ERC1: variants seen among roughly 807,000 people sequenced by gnomAD.
ERC1 encodes the protein RAB6 interacting protein 2.
ERC1 carries 56 observed loss-of-function variants against 132.0 expected under a neutral mutation model. The observed-to-expected ratio is 0.42, with a 90% CI of 0.34 to 0.53. The LOEUF (loss-of-function observed/expected upper bound fraction) is 0.53, where lower values mean the gene tolerates loss of function less well. Ranked by LOEUF, ERC1 falls within the 20% of genes least tolerant of loss-of-function variation. ERC1 has a pLI of 0.03. For missense variants in ERC1, 1,202 were observed against 1,349.9 expected, an observed-to-expected ratio of 0.89 and a Z score of 1.72; for synonymous variants, 478 against 476.1, an observed-to-expected ratio of 1.00 and a Z score of -0.05.
intron 16 of ERC1, among the ~76,000 whole-genome samples, chr12:1,374,245 G>C (rs2087593947): frequency 6.6e-6 from 1 of 152,194 alleles, no homozygotes; most frequent in Non-Finnish European, 1.5e-5. Flanking sequence ...CCAGCAAATG[G>C]AGCTGCCACT....
intron 12 of ERC1, among the ~76,000 whole-genome samples, chr12:1,211,159 A>AT (rs1474700683): frequency 1.3e-5 from 2 of 152,044 alleles, no homozygotes; most frequent in South Asian, 2.1e-4. Context: ...ATATATATAT[A>AT]TATTTTGAGA....
At chr12:1,221,325 G>A (rs899619408) in intron 12 of ERC1, among the ~76,000 whole-genome samples, 1 of 152,106 alleles carries the variant, frequency 6.6e-6, no homozygotes, top group African/African-American at 2.4e-5. Context: ...CCTCATCTCA[G>A]ATCTATGGAG....
rs11064630 is a variant in ERC1 at position 991,389 on chromosome 12, C to T, written c.-157+67C>T. On this transcript the variant is annotated intron_variant, in intron 1 of 18. Transcript: ENST00000360905. ...GGGACCCAGAGCTTCCCCCCTGTCG[C>T]TAGTGCTGAGGCTTTCGCCTTTCCT... 67 of 155,476 alleles carry T rather than the reference C, an allele frequency of 4.3e-4. 2 individuals carry two copies. The East Asian group carries it at 0.011, about 25-fold the overall frequency. The allele number at this position is 155,476 out of a possible 1,614,324, so 9.6% of individuals were successfully genotyped here. A position where few individuals can be genotyped will look rare whatever the true frequency, so the allele number is the denominator to read the frequency against.
At chr12:1,399,300 C>T (rs957162829) in intron 16 of ERC1, among the ~76,000 whole-genome samples, 7 of 152,108 alleles carry the variant, frequency 4.6e-5, no homozygotes, top group African/African-American at 1.7e-4. Context: ...TACATGGCTG[C>T]ACATTGGCTT....
intron 10 of ERC1, among the ~76,000 whole-genome samples, chr12:1,182,831 T>TA (rs1019091939): frequency 7.3e-6 from 1 of 136,712 alleles, no homozygotes; most frequent in Non-Finnish European, 1.5e-5. Context: ...CCAGCTAAGT[T>TA]AAAAAAATTT....
Position 1,372,095 on chromosome 12 carries a change from G to A in ERC1, c.2925+118G>A, listed in dbSNP as rs1591594567. 2.4e-6 allele frequency: 3 copies of A among 1,225,064 alleles called. No individual in the cohort carries two copies. The Admixed American group carries it at 8.6e-5, about 35-fold the overall frequency. The allele number at this position is 1,225,064 out of a possible 1,614,324, so 75.9% of individuals were successfully genotyped here. A position where few individuals can be genotyped will look rare whatever the true frequency, so the allele number is the denominator to read the frequency against. ...GTTTCATATTAGACATCTGATCATTGGAGCTAGTTAGTTTCCATCATTAGA... is the reference window on the plus strand; with the variant it reads ...GTTTCATATTAGACATCTGATCATTAGAGCTAGTTAGTTTCCATCATTAGA... On this transcript the variant is annotated intron_variant, in intron 16 of 18. Coordinates refer to ENST00000360905, the MANE Select transcript of ERC1 (RefSeq NM_178040.4).
rs1212066587 is a variant in ERC1 at position 1,183,361 on chromosome 12, A to G, written c.2097A>G (p.Leu699=). The change falls in exon 11 of 19, where the codon CTA becomes CTG. Residue 699 remains leucine (L), a synonymous_variant. Coordinates refer to ENST00000360905, the MANE Select transcript of ERC1 (RefSeq NM_178040.4). ...GLKKDSRLKT[L]EIALEQKKEE... ...AAAAGGACTCACGGCTTAAGACACTAGAGATTGCTTTGGAGCAGAAGAAGG... is the reference window on the plus strand; with the variant it reads ...AAAAGGACTCACGGCTTAAGACACTGGAGATTGCTTTGGAGCAGAAGAAGG... The G allele has an allele frequency of 1.9e-6, 3 of 1,600,340 alleles. No homozygotes were observed. The highest frequency in any genetic ancestry group is 2.6e-6 in the Non-Finnish European group (3 of 1,170,306).
chr12:995,426 T>G (rs1960636684), intron 1 of ERC1, among the ~76,000 whole-genome samples: 1 of 152,162 alleles, frequency 6.6e-6, no homozygotes, highest in Admixed American at 6.5e-5. Context: ...TTGCGGGATG[T>G]GGGCCAAACA....
intron 17 of ERC1, chr12:1,444,359 C>T (rs1030593071): frequency 4.7e-5 from 21 of 446,392 alleles, no homozygotes; most frequent in Non-Finnish European, 7.5e-5. Flanking sequence ...CCCAGAAGGG[C>T]GGCTGCGTGT....
At position 1,195,876 on chromosome 12, in the gene ERC1, C is replaced by CA. The variant is rs1491234801; in HGVS notation, c.2351+5824_2351+5825insA. Among the ~76,000 whole-genome samples, 3 of 68,854 alleles carry CA rather than the reference C, an allele frequency of 4.4e-5. No individual in the cohort carries two copies. The Admixed American group carries it at 5.6e-4, about 13-fold the overall frequency. 45.2% of individuals were successfully genotyped at this position (68,854 alleles called of 152,430 possible). On this transcript the variant is annotated intron_variant, in intron 12 of 18. Coordinates refer to ENST00000360905, the MANE Select transcript of ERC1 (RefSeq NM_178040.4). The stretch of plus-strand genomic sequence containing the variant: ...GGATATAATTATGTACTTATTTCCG[C>CA]CCCCCCCCCCCTTTTTTTGTAATGG...
intron 17 of ERC1, among the ~76,000 whole-genome samples, chr12:1,437,141 T>C (rs997358176): frequency 2.0e-5 from 3 of 152,248 alleles, no homozygotes; most frequent in Non-Finnish European, 2.9e-5. Context: ...TTTCTGCTCC[T>C]GGAATTTCTG....
intron 14 of ERC1, among the ~76,000 whole-genome samples, chr12:1,281,789 A>AT (rs1179678195): frequency 3.9e-5 from 6 of 152,140 alleles, no homozygotes; most frequent in Non-Finnish European, 7.4e-5. Context: ...TCAGGTATTT[A>AT]TTTTTTAGTT....
chr12:1,367,919 A>G (rs1323693941), intron 15 of ERC1, among the ~76,000 whole-genome samples: 2 of 146,800 alleles, frequency 1.4e-5, no homozygotes, highest in Non-Finnish European at 3.0e-5. Flanking sequence ...GGGGATTACT[A>G]ATACTTTGAA....
intron 16 of ERC1, among the ~76,000 whole-genome samples, chr12:1,385,351 C>T (rs1015300269): frequency 6.6e-6 from 1 of 151,948 alleles, no homozygotes; most frequent in Non-Finnish European, 1.5e-5. Flanking sequence ...GGTGTGATCA[C>T]GGCTCACTGC....
Position 1,311,043 on chromosome 12 carries a change from G to T in ERC1, c.2780+21031G>T, listed in dbSNP as rs553419149. The stretch of plus-strand genomic sequence containing the variant: ...CAAGGGAGGGAGACAAGAAACATAG[G>T]CACAGAAATGTGAAGAATGAGAATA... On this transcript the variant is annotated intron_variant, in intron 15 of 18. Coordinates refer to ENST00000360905, the MANE Select transcript of ERC1 (RefSeq NM_178040.4). Among the ~76,000 whole-genome samples, 12 of 152,344 alleles carry T rather than the reference G, an allele frequency of 7.9e-5. No individual in the cohort carries two copies. The South Asian group carries it at 2.5e-3, about 32-fold the overall frequency.
In ERC1 at chr12:1,465,783, G is replaced by C. The variant is rs149018631; in HGVS notation, c.3213+21033G>C. 9.3e-4 allele frequency among the ~76,000 whole-genome samples: 142 copies of C among 152,298 alleles called. No homozygotes were observed. In the Middle Eastern group the frequency reaches 0.017, roughly 18 times the overall value. On this transcript the variant is annotated intron_variant, in intron 18 of 18. Coordinates refer to ENST00000360905, the MANE Select transcript of ERC1 (RefSeq NM_178040.4). ...GGTCCCAAAAGTCCCAGCCCTCCAC[G>C]GCAGCACTAGTGAGGCCTCCTTGCT...
chr12:1,446,954 A>G (rs924122694), intron 18 of ERC1, among the ~76,000 whole-genome samples: 3 of 151,670 alleles, frequency 2.0e-5, no homozygotes, highest in African/African-American at 7.3e-5. Context: ...CAGGAGTTCA[A>G]GGTTACAGTA....
At chr12:1,383,597 G>A (rs998780970) in intron 16 of ERC1, among the ~76,000 whole-genome samples, 9 of 152,244 alleles carry the variant, frequency 5.9e-5, no homozygotes, top group Middle Eastern at 3.4e-3. Context: ...TCACACCACT[G>A]CACTCCAGCC....
At chr12:1,393,288 G>A (rs918870081) in intron 16 of ERC1, among the ~76,000 whole-genome samples, 1 of 152,192 alleles carries the variant, frequency 6.6e-6, no homozygotes, top group Non-Finnish European at 1.5e-5. Context: ...AACACTTTGG[G>A]AAACTGAAAG....
Sources: gnomAD v4.1 joint callset for allele counts (sites outside exome capture counted in the v4.1 genomes callset) on GRCh38, gnomAD v4.1.1 for gene constraint, MANE v1.5 for transcripts, NCBI Gene and HGNC (gene_info 2026-07-23, HGNC 2026-07-21) for gene names.